DCBLD2: variants seen among roughly 807,000 people sequenced by gnomAD.
DCBLD2 encodes the protein discoidin, CUB and LCCL domain containing 2.
Under a neutral mutation model 86.8 loss-of-function variants are expected in DCBLD2, and 54 were observed. The ratio of observed to expected loss-of-function variants is 0.62; its 90% CI spans 0.50 to 0.78. The LOEUF (loss-of-function observed/expected upper bound fraction) is 0.78. Ranked by LOEUF, DCBLD2 falls within the 30% of genes least tolerant of loss-of-function variation. The pLI is 0.00. For synonymous variants in DCBLD2, 354 were observed against 341.3 expected, an observed-to-expected ratio of 1.04 and a Z score of -0.41; for missense variants, 908 against 954.2, an observed-to-expected ratio of 0.95 and a Z score of 0.64.
At chr3:98,870,781 G>GAAAGAAAGAAAGAAAGAAAGAAAGAAAGA (rs1943261881) in intron 2 of DCBLD2, among the ~76,000 whole-genome samples, 2 of 150,196 alleles carry the variant, frequency 1.3e-5, no homozygotes, top group African/African-American at 4.9e-5. Flanking sequence ...AAGAAAGAAA[G>GAAAGAAAGAAAGAAAGAAAGAAAGAAAGA]AAAGAAAGAA....
intron 3 of DCBLD2, among the ~76,000 whole-genome samples, chr3:98,837,366 C>T (rs1347722432): frequency 2.1e-3 from 10 of 4,826 alleles, no homozygotes; most frequent in African/African-American, 3.0e-3. Context: ...CCAGTAGGGG[C>T]GGCCGGGCAG....
At chr3:98,869,720 A>G (rs10935513) in intron 2 of DCBLD2, among the ~76,000 whole-genome samples, 56,140 of 152,160 alleles carry the variant, frequency 0.37, 11,306 homozygotes, top group East Asian at 0.71. Flanking sequence ...AGTTATTTCT[A>G]AACAGAACTA....
Position 98,819,377 on chromosome 3 carries a change from C to T in DCBLD2, c.912G>A (p.Ala304=), listed in dbSNP as rs1402235112. ...CAGATGATGCTGTTATTTGAGGATC[C>T]GCGATCACACCAGACTCCATCCCCA... ...GTLGMESGVI[A]DPQITASSVL... is the part of the protein sequence containing the mutation. The change falls in exon 8 of 16, where the codon GCG becomes GCA. Residue 304 remains alanine, a synonymous_variant. Transcript: ENST00000326840. The T allele has an allele frequency of 4.3e-6, 7 of 1,613,570 alleles. No homozygotes were observed. Among genetic ancestry groups the T allele is most frequent in the African/African-American group, 2.7e-5 (2 of 74,882 alleles).
chr3:98,894,282 TA>T (rs1421722583), intron 1 of DCBLD2, among the ~76,000 whole-genome samples: 2 of 152,152 alleles, frequency 1.3e-5, no homozygotes, highest in Non-Finnish European at 2.9e-5. Context: ...ACTTTTCTAT[TA>T]CACCAGATTA....
chr3:98,864,662 C>T (rs1411954006), intron 2 of DCBLD2, among the ~76,000 whole-genome samples: 2 of 152,002 alleles, frequency 1.3e-5, no homozygotes, highest in African/African-American at 4.8e-5. Context: ...AATGAGAACA[C>T]TTGGACACAG....
intron 12 of DCBLD2, 82 bp from the exon 13 acceptor site, chr3:98,808,256 T>TC: frequency 8.2e-7 from 1 of 1,224,624 alleles, no homozygotes; most frequent in Non-Finnish European, 1.1e-6. Context: ...ATTAACCACA[T>TC]CATCTTTCAA....
In DCBLD2 at chr3:98,901,462, A is replaced by T; in HGVS notation, c.-136T>A. The T allele has an allele frequency of 1.1e-6, 1 of 877,746 alleles. No homozygotes were observed. Among genetic ancestry groups the T allele is most frequent in the Non-Finnish European group, 1.5e-6 (1 of 666,620 alleles). 54.4% of individuals were successfully genotyped at this position (877,746 alleles called of 1,614,324 possible). ...AGCCCTCGCCTCACCCCGCGCCGGG[A>T]CCCTTCCGCCCCTCACCCCGCTTTC... On this transcript the variant is annotated 5_prime_UTR_variant, in exon 1 of 16. Coordinates refer to ENST00000326840, the MANE Select transcript of DCBLD2 (RefSeq NM_080927.4).
At chr3:98,823,172 C>T (rs1942154900) in intron 4 of DCBLD2, among the ~76,000 whole-genome samples, 1 of 152,158 alleles carries the variant, frequency 6.6e-6, no homozygotes, top group Non-Finnish European at 1.5e-5. Context: ...TGTGCCCGGC[C>T]AGGACCACCA....
intron 9 of DCBLD2, 92 bp from the exon 10 acceptor site, chr3:98,812,574 G>T: frequency 8.8e-7 from 1 of 1,140,922 alleles, no homozygotes; most frequent in Non-Finnish European, 1.2e-6. Context: ...CTTTGCTCTA[G>T]GCCTTAAATT....
intron 14 of DCBLD2, 67 bp downstream of exon 14, chr3:98,801,533 C>G: frequency 7.6e-7 from 1 of 1,319,424 alleles, no homozygotes; most frequent in Non-Finnish European, 1.1e-6. Flanking sequence ...TCTTTTTTCA[C>G]TACTGCCCCC....
In DCBLD2 at chr3:98,798,323, A is replaced by G. The variant is rs1464836949; in HGVS notation, c.*1049T>C. 6.6e-6 allele frequency: 1 copy of G among 152,228 alleles called. No individual in the cohort carries two copies. Among genetic ancestry groups the G allele is most frequent in the African/African-American group, 2.4e-5 (1 of 41,464 alleles). The allele number at this position is 152,228 out of a possible 1,614,324, so 9.4% of individuals were successfully genotyped here. A position where few individuals can be genotyped will look rare whatever the true frequency, so the allele number is the denominator to read the frequency against. On this transcript the variant is annotated 3_prime_UTR_variant, in exon 16 of 16. Coordinates refer to ENST00000326840, the MANE Select transcript of DCBLD2 (RefSeq NM_080927.4). The stretch of plus-strand genomic sequence containing the variant: ...ATATAAAATACCTTGAGACTCAAGA[A>G]AAATGTATATGTTTGTGAATGTATA...
intron 1 of DCBLD2, among the ~76,000 whole-genome samples, chr3:98,894,244 C>T (rs1031703037): frequency 2.6e-5 from 4 of 152,150 alleles, no homozygotes; most frequent in African/African-American, 7.2e-5. Context: ...AAGTCCTCCA[C>T]AATACGTTCC....
chr3:98,899,945 T>C (rs1417627493), intron 1 of DCBLD2, among the ~76,000 whole-genome samples: 1 of 152,176 alleles, frequency 6.6e-6, no homozygotes, highest in Non-Finnish European at 1.5e-5. Context: ...TTTCACACTT[T>C]AATATATTAA....
At chr3:98,802,819 T>G in intron 13 of DCBLD2, among the ~76,000 whole-genome samples, 1 of 152,268 alleles carries the variant, frequency 6.6e-6, no homozygotes, top group Non-Finnish European at 1.5e-5. Flanking sequence ...CTTTCCCCAG[T>G]TCTTGTTTTT....
At chr3:98,870,120 GGT>G (rs1559794070) in intron 2 of DCBLD2, among the ~76,000 whole-genome samples, 1 of 146,752 alleles carries the variant, frequency 6.8e-6, no homozygotes, top group Non-Finnish European at 1.5e-5. Context: ...TTTTGTAGAC[GGT>G]GAGAGATAGG....
intron 2 of DCBLD2, among the ~76,000 whole-genome samples, chr3:98,850,134 AC>A (rs1942807554): frequency 6.6e-6 from 1 of 152,182 alleles, no homozygotes; most frequent in Non-Finnish European, 1.5e-5. Flanking sequence ...CACAAGCTTA[AC>A]CTTCCATCCA....
rs990126092 is a variant in DCBLD2 at position 98,797,607 on chromosome 3, G to C, written c.*1765C>G. 5.9e-5 allele frequency: 9 copies of C among 152,164 alleles called. No individual in the cohort carries two copies. The highest frequency in any genetic ancestry group is 2.2e-4 in the African/African-American group (9 of 41,414). 9.4% of individuals were successfully genotyped at this position (152,164 alleles called of 1,614,324 possible). A position where few individuals can be genotyped will look rare whatever the true frequency, so the allele number is the denominator to read the frequency against. On this transcript the variant is annotated 3_prime_UTR_variant, in exon 16 of 16. Transcript: ENST00000326840. Reference sequence around the variant, plus strand: ...TTTCAAACATTTTGAAACAAAATATGTATTGATTCTTCAATGAATGAAATC... The same window carrying C: ...TTTCAAACATTTTGAAACAAAATATCTATTGATTCTTCAATGAATGAAATC...
chr3:98,847,335 A>G (rs900095776), intron 3 of DCBLD2, among the ~76,000 whole-genome samples: 10 of 152,230 alleles, frequency 6.6e-5, no homozygotes, highest in African/African-American at 2.2e-4. Flanking sequence ...AGGGATACCA[A>G]GAGTCCTTTC....
intron 13 of DCBLD2, among the ~76,000 whole-genome samples, chr3:98,805,481 C>A (rs1941820175): frequency 6.6e-6 from 1 of 152,152 alleles, no homozygotes; most frequent in Non-Finnish European, 1.5e-5. Flanking sequence ...ATTTTATACA[C>A]ATAAGTGACA....
Sources: gnomAD v4.1 joint callset for allele counts (sites outside exome capture counted in the v4.1 genomes callset) on GRCh38, gnomAD v4.1.1 for gene constraint, MANE v1.5 for transcripts, NCBI Gene and HGNC (gene_info 2026-07-23, HGNC 2026-07-21) for gene names.